Variants in HECW1 observed in about 807,000 individuals in gnomAD.
HECW1 encodes E3 ubiquitin-protein ligase HECW1.
In HECW1, 61 loss-of-function variants were observed where a neutral mutation model predicts 182.3. The ratio of observed to expected loss-of-function variants is 0.33; its 90% confidence interval spans 0.27 to 0.41. HECW1 has a LOEUF of 0.41. Ranked by LOEUF, HECW1 falls within the 10% of genes least tolerant of loss-of-function variation. The pLI is 1.00. For synonymous variants in HECW1, 859 were observed against 832.6 expected, an observed-to-expected ratio of 1.03 and a Z score of -0.55; for missense variants, 1,739 against 2,108.9, an observed-to-expected ratio of 0.82 and a Z score of 3.44.
At chr7:43,206,005 C>A (rs2152692175) in intron 2 of HECW1, among the ~76,000 whole-genome samples, 1 of 152,302 alleles carries the variant, frequency 6.6e-6, no homozygotes, top group South Asian at 2.1e-4. Context: ...CCTGCCACTT[C>A]CTCCCCTGGA....
chr7:43,370,891 T>C (rs1584664730), intron 6 of HECW1, among the ~76,000 whole-genome samples: 2 of 150,526 alleles, frequency 1.3e-5, no homozygotes, highest in South Asian at 4.2e-4. Flanking sequence ...TGATATTCTT[T>C]TTTTTTTTTT....
intron 2 of HECW1, among the ~76,000 whole-genome samples, chr7:43,137,527 CTTTTATTTATTTATTT>C (rs1787681145): frequency 7.3e-6 from 1 of 137,434 alleles, no homozygotes; most frequent in South Asian, 2.4e-4. Flanking sequence ...TTTCTGCCTT[CTTTTATTTATTTATTT>C]ATTTATTTAT....
intron 2 of HECW1, among the ~76,000 whole-genome samples, chr7:43,193,866 C>G (rs1323406737): frequency 6.6e-6 from 1 of 152,122 alleles, no homozygotes; most frequent in Non-Finnish European, 1.5e-5. Context: ...ACAGAAAGAC[C>G]TAGTAAGGGA....
intron 3 of HECW1, among the ~76,000 whole-genome samples, chr7:43,275,687 G>C (rs1192054250): frequency 6.6e-6 from 1 of 151,836 alleles, no homozygotes. Flanking sequence ...TACTCACCAA[G>C]TAGTCTGTTC....
chr7:43,388,002 G>A (rs974971390), intron 6 of HECW1, among the ~76,000 whole-genome samples: 12 of 152,164 alleles, frequency 7.9e-5, no homozygotes, highest in African/African-American at 2.4e-4. Flanking sequence ...CGTTCTCAGG[G>A]GAACTCAGTG....
At chr7:43,437,858 G>C (rs2076760487) in intron 8 of HECW1, 145 bp from the exon 9 acceptor site, 12 of 789,184 alleles carry the variant, frequency 1.5e-5, no homozygotes, top group Non-Finnish European at 2.4e-5. Context: ...TGAATAAACA[G>C]GTTCACAACA....
chr7:43,230,631 T>C (rs1180222649), intron 2 of HECW1, among the ~76,000 whole-genome samples: 6 of 152,202 alleles, frequency 3.9e-5, no homozygotes, highest in African/African-American at 1.4e-4. Flanking sequence ...TTAGGAAATA[T>C]GCATCATAGT....
At chr7:43,223,551 GGAA>G (rs1273999961) in intron 2 of HECW1, among the ~76,000 whole-genome samples, 1 of 152,034 alleles carries the variant, frequency 6.6e-6, no homozygotes, top group Non-Finnish European at 1.5e-5. Context: ...CCTGGGAGGT[GGAA>G]GTTGAAGCGA....
At chr7:43,522,841 G>A (rs2152940052) in intron 24 of HECW1, among the ~76,000 whole-genome samples, 1 of 152,280 alleles carries the variant, frequency 6.6e-6, no homozygotes, top group Non-Finnish European at 1.5e-5. Context: ...CCAGGAGCAG[G>A]GAAATTTGAT....
At position 43,512,063 on chromosome 7, in the gene HECW1, C is replaced by G. The variant is rs368256823; in HGVS notation, c.4019+2942C>G. On this transcript the variant is annotated intron_variant, in intron 24 of 29. Transcript: ENST00000395891. ...GCGTGGGCGTAGCTGCTGCTGATCT[C>G]GGGTCGGTGTCAGGTGCTCCTTCCA... The G allele has an allele frequency of 2.3e-5, 5 of 218,612 alleles. No individual in the cohort carries two copies. The East Asian group carries it at 3.4e-4, about 15-fold the overall frequency. 13.5% of individuals were successfully genotyped at this position (218,612 alleles called of 1,614,324 possible). A position where few individuals can be genotyped will look rare whatever the true frequency, so the allele number is the denominator to read the frequency against.
At chr7:43,323,811 C>T (rs751085370) in intron 5 of HECW1, among the ~76,000 whole-genome samples, 2 of 152,016 alleles carry the variant, frequency 1.3e-5, no homozygotes, top group African/African-American at 2.4e-5. Flanking sequence ...GGGGATCACC[C>T]GAGGTTAGAA....
intron 24 of HECW1, among the ~76,000 whole-genome samples, chr7:43,536,476 G>T (rs563429089): frequency 1.1e-3 from 175 of 152,316 alleles, no homozygotes; most frequent in African/African-American, 4.1e-3. Context: ...GGGCTGACCC[G>T]CCTTGCCTCC....
chr7:43,348,098 A>T (rs2330789), intron 5 of HECW1, among the ~76,000 whole-genome samples: 132,790 of 152,162 alleles, frequency 0.87, 58,072 homozygotes, highest in Admixed American at 0.92. Flanking sequence ...GTACCAATTC[A>T]TCTTTCAATG....
chr7:43,497,530 C>T (rs990543200), intron 19 of HECW1, among the ~76,000 whole-genome samples: 4 of 152,056 alleles, frequency 2.6e-5, no homozygotes, highest in African/African-American at 9.6e-5. Flanking sequence ...CAGCTGTGGT[C>T]GTTAAAAACA....
At chr7:43,332,253 T>A (rs17723745) in intron 5 of HECW1, among the ~76,000 whole-genome samples, 2 of 151,960 alleles carry the variant, frequency 1.3e-5, no homozygotes, top group Non-Finnish European at 2.9e-5. Context: ...CCACTCTACA[T>A]ACAAAATGAA....
intron 2 of HECW1, among the ~76,000 whole-genome samples, chr7:43,238,906 G>A (rs1307777936): frequency 6.6e-6 from 1 of 152,076 alleles, no homozygotes; most frequent in East Asian, 1.9e-4. Context: ...ATCATAAAGA[G>A]ACCTCCTCCC....
chr7:43,116,164 C>G (rs1583557345), intron 2 of HECW1, among the ~76,000 whole-genome samples: 2 of 152,114 alleles, frequency 1.3e-5, no homozygotes, highest in East Asian at 3.9e-4. Flanking sequence ...CCTTCCACCA[C>G]CCACCCTCAG....
intron 2 of HECW1, among the ~76,000 whole-genome samples, chr7:43,117,726 G>T (rs376965469): frequency 2.1e-3 from 325 of 152,266 alleles, no homozygotes; most frequent in African/African-American, 6.5e-3. Context: ...CACAGTGTTT[G>T]GATGTGTGGG....
chr7:43,378,864 A>G (rs1360935463), intron 6 of HECW1, among the ~76,000 whole-genome samples: 2 of 152,150 alleles, frequency 1.3e-5, no homozygotes, highest in Non-Finnish European at 2.9e-5. Flanking sequence ...AGCAGCAGGA[A>G]TGATGGTGAA....
Sources: gnomAD v4.1 joint callset for allele counts (sites outside exome capture counted in the v4.1 genomes callset) on GRCh38, gnomAD v4.1.1 for gene constraint, MANE v1.5 for transcripts, NCBI Gene and HGNC (gene_info 2026-07-23, HGNC 2026-07-21) for gene names.